Variants in CACNA1C observed in about 807,000 individuals in gnomAD.
The protein encoded by CACNA1C is voltage-dependent L-type calcium channel subunit alpha-1C.
In CACNA1C, 30 loss-of-function variants were observed where a neutral mutation model predicts 229.0. The ratio of observed to expected loss-of-function variants is 0.13; its 90% CI spans 0.10 to 0.18. CACNA1C has a LOEUF of 0.18. Ranked by LOEUF, CACNA1C falls within the 10% of genes least tolerant of loss-of-function variation. CACNA1C has a pLI of 1.00. For missense variants in CACNA1C, 1,658 were observed against 2,845.0 expected (o/e 0.58, Z 9.49); for synonymous variants, 1,114 against 1,132.5 (o/e 0.98, Z 0.33).
At chr12:2,202,118 A>G (rs757182721) in intron 3 of CACNA1C, among the ~76,000 whole-genome samples, 2 of 152,220 alleles carry the variant, frequency 1.3e-5, no homozygotes, top group Non-Finnish European at 1.5e-5. Context: ...CCCTTGCCTG[A>G]GCTGGGCCTT....
Position 2,593,332 on chromosome 12 carries a change from A to C in CACNA1C, c.2650A>C (p.Ser884Arg), listed in dbSNP as rs777391300. 7 of 1,613,808 alleles carry C rather than the reference A, an allele frequency of 4.3e-6. No homozygotes were observed. The highest frequency in any genetic ancestry group is 5.9e-6 in the Non-Finnish European group (7 of 1,179,830). ...MPEASAFFIF[S>R]SNNRFRLQCH... ...AGAAGCCAGCGCGTTTTTCATCTTC[A>C]GCTCTAACAACAGGTGTGCAGCAAT... The change falls in exon 19 of 47, where the codon AGC becomes CGC. Residue 884 changes from serine (S) to arginine (R), a missense_variant. By Grantham distance (110) the Ser-to-Arg change is moderately radical. Around this residue, in one of 20 missense-constraint regions of CACNA1C, gnomAD observed 52 missense variants for 99.0 expected, o/e 0.53. Transcript: ENST00000399655.
chr12:2,453,428 C>T (rs142521130), intron 4 of CACNA1C, among the ~76,000 whole-genome samples: 74 of 152,276 alleles, frequency 4.9e-4, no homozygotes, highest in Admixed American at 1.2e-3. Flanking sequence ...TACCTGGGCT[C>T]CCTCCTTGAT....
chr12:2,245,474 A>G (rs890934134), intron 3 of CACNA1C, among the ~76,000 whole-genome samples: 1 of 152,198 alleles, frequency 6.6e-6, no homozygotes, highest in Non-Finnish European at 1.5e-5. Flanking sequence ...ATCCCATTTC[A>G]CAGACCAGGC....
At chr12:2,097,336 C>CG (rs1415330637) in intron 1 of CACNA1C, among the ~76,000 whole-genome samples, 1 of 151,680 alleles carries the variant, frequency 6.6e-6, no homozygotes, top group Non-Finnish European at 1.5e-5. Context: ...TTAGTAGAGA[C>CG]GGGGTTTCAC....
At position 2,175,968 on chromosome 12, in the gene CACNA1C, T is replaced by C. The variant is rs922209946; in HGVS notation, c.477+55538T>C. Among the ~76,000 whole-genome samples, 4 of 152,126 alleles carry C rather than the reference T, an allele frequency of 2.6e-5. 1 individual carries two copies. The highest frequency in any genetic ancestry group is 4.4e-5 in the Non-Finnish European group (3 of 68,018). ...ATGGTTCAGCAGTGAACAAAACAGA[T>C]AAAAATCCCTGCATTCTTGGAATTT... is the stretch of plus-strand genomic sequence containing the variant. On this transcript the variant is annotated intron_variant, in intron 3 of 46. Transcript: ENST00000399655.
intron 9 of CACNA1C, among the ~76,000 whole-genome samples, chr12:2,522,341 A>C (rs973301735): frequency 1.3e-5 from 2 of 152,204 alleles, no homozygotes; most frequent in African/African-American, 2.4e-5. Context: ...GACTTCCCCC[A>C]AAAACACATA....
chr12:2,625,576 G>A (rs1243813104), intron 29 of CACNA1C, among the ~76,000 whole-genome samples: 1 of 152,028 alleles, frequency 6.6e-6, no homozygotes, highest in Non-Finnish European at 1.5e-5. Flanking sequence ...ACCAACAACA[G>A]CAATAGTAGC....
At chr12:2,004,202 G>A (rs1215668813) in intron 1 of CACNA1C, 5 of 1,564,304 alleles carry the variant, frequency 3.2e-6, no homozygotes, top group East Asian at 2.4e-5. Context: ...CCCCCTCACC[G>A]GGTCCTCAAG....
chr12:2,270,860 A>C (rs533310143), intron 3 of CACNA1C, among the ~76,000 whole-genome samples: 1 of 152,274 alleles, frequency 6.6e-6, no homozygotes, highest in East Asian at 1.9e-4. Flanking sequence ...GCTGGCACAG[A>C]CAGCCATTCC....
chr12:2,342,533 G>A (rs2096895259), intron 3 of CACNA1C, among the ~76,000 whole-genome samples: 1 of 152,202 alleles, frequency 6.6e-6, no homozygotes, highest in African/African-American at 2.4e-5. Flanking sequence ...CACAGTGCCT[G>A]GCACACTGAG....
intron 3 of CACNA1C, among the ~76,000 whole-genome samples, chr12:2,200,356 G>T (rs1041881897): frequency 6.6e-6 from 1 of 152,172 alleles, no homozygotes; most frequent in African/African-American, 2.4e-5. Context: ...CTAACCTAGG[G>T]ATGATTTTGC....
At chr12:2,072,893 A>G (rs1368463258) in intron 1 of CACNA1C, among the ~76,000 whole-genome samples, 1 of 152,194 alleles carries the variant, frequency 6.6e-6, no homozygotes, top group East Asian at 1.9e-4. Flanking sequence ...CCATTGGCAG[A>G]GGGCATAAAC....
At chr12:2,291,358 T>C (rs2093483425) in intron 3 of CACNA1C, among the ~76,000 whole-genome samples, 1 of 152,148 alleles carries the variant, frequency 6.6e-6, no homozygotes, top group African/African-American at 2.4e-5. Context: ...AAGGGCCTAC[T>C]CCGCCGCAGA....
chr12:2,025,752 G>C (rs868386087), intron 1 of CACNA1C, among the ~76,000 whole-genome samples: 1 of 152,058 alleles, frequency 6.6e-6, no homozygotes, highest in Non-Finnish European at 1.5e-5. Context: ...TTCACTGGCC[G>C]AGCAGAGCCA....
At chr12:2,004,405 C>G (rs1224319804) in intron 1 of CACNA1C, 2 of 1,611,470 alleles carry the variant, frequency 1.2e-6, no homozygotes, top group South Asian at 2.2e-5. Flanking sequence ...CCTTTCCCAC[C>G]AGGCCGCCTG....
At chr12:2,432,965 C>T (rs1294963611) in intron 3 of CACNA1C, among the ~76,000 whole-genome samples, 1 of 152,172 alleles carries the variant, frequency 6.6e-6, no homozygotes, top group East Asian at 1.9e-4. Context: ...GGGAAGTCTT[C>T]CTTTAGAGAC....
At chr12:1,970,925 C>T (rs997381034) in exon 1 of CACNA1C, 22 of 371,528 alleles carry the variant, frequency 5.9e-5, no homozygotes, top group Non-Finnish European at 9.8e-5. Flanking sequence ...CGATACGATA[C>T]GGCCATGTCA....
At position 2,121,381 on chromosome 12, in the gene CACNA1C, G is replaced by A. The variant is rs556754218; in HGVS notation, c.477+951G>A. 5.3e-5 allele frequency among the ~76,000 whole-genome samples: 8 copies of A among 152,338 alleles called. No homozygotes were observed. In the South Asian group the frequency reaches 1.7e-3, roughly 32 times the overall value. The stretch of plus-strand genomic sequence containing the variant: ...GCTGCTGGGCTGATGCCATCACAGG[G>A]TGGTTCTTGTATTTTGTAACCTTTG... On this transcript the variant is annotated intron_variant, in intron 3 of 46. Transcript: ENST00000399655.
chr12:2,204,457 G>A (rs2097691366), intron 3 of CACNA1C, among the ~76,000 whole-genome samples: 1 of 151,394 alleles, frequency 6.6e-6, no homozygotes, highest in Admixed American at 6.6e-5. Flanking sequence ...ATACCCAAAT[G>A]ACTATAAATC....
Sources: gnomAD v4.1 joint callset for allele counts (sites outside exome capture counted in the v4.1 genomes callset) on GRCh38, gnomAD v4.1.1 for gene constraint, gnomAD v4.1.1 regional missense constraint, MANE v1.5 for transcripts, NCBI Gene and HGNC (gene_info 2026-07-23, HGNC 2026-07-21) for gene names.